VAC14: variants seen among roughly 807,000 people sequenced by gnomAD.
VAC14 encodes the protein VAC14 component of PIKFYVE complex.
VAC14 carries 47 observed loss-of-function variants against 85.3 expected under a neutral mutation model. The observed-to-expected ratio is 0.55, with a 90% CI of 0.44 to 0.70. VAC14 has a LOEUF of 0.70. VAC14 is among the 30% of genes least tolerant of loss of function. The pLI is 0.00. For synonymous variants in VAC14, 447 were observed against 430.5 expected, an observed-to-expected ratio of 1.04 and a Z score of -0.47; for missense variants, 861 against 1,004.3, an observed-to-expected ratio of 0.86 and a Z score of 1.93.
chr16:70,740,522 G>C (rs531205584), intron 13 of VAC14, among the ~76,000 whole-genome samples: 22 of 152,344 alleles, frequency 1.4e-4, no homozygotes, highest in African/African-American at 5.1e-4. Context: ...TCTGTCCTTT[G>C]AAGTTTTTTG....
intron 14 of VAC14, among the ~76,000 whole-genome samples, chr16:70,725,631 G>A (rs1408179609): frequency 6.6e-6 from 1 of 152,132 alleles, no homozygotes; most frequent in Non-Finnish European, 1.5e-5. Context: ...CTGAGCATTT[G>A]CTCAGCTGGA....
intron 1 of VAC14, among the ~76,000 whole-genome samples, chr16:70,799,422 A>G (rs2034674651): frequency 6.6e-6 from 1 of 152,186 alleles, no homozygotes; most frequent in Non-Finnish European, 1.5e-5. Context: ...AGCTGAATGG[A>G]GGCAGGGTGG....
chr16:70,771,968 A>T, intron 10 of VAC14, 141 bp downstream of exon 10: 1 of 715,660 alleles, frequency 1.4e-6, no homozygotes, highest in Non-Finnish European at 2.4e-6. Flanking sequence ...TCATCAATTA[A>T]CTCTTTTGTG....
At chr16:70,781,020 G>T (rs953964706) in intron 8 of VAC14, 81 bp from the exon 9 acceptor site, 1 of 1,573,694 alleles carries the variant, frequency 6.4e-7, no homozygotes, top group East Asian at 2.3e-5. Flanking sequence ...GATTCCCAGT[G>T]TTGGAGGTGG....
In VAC14 at chr16:70,695,723, G is replaced by C; in HGVS notation, c.1956-100C>G. The C allele has an allele frequency of 1.2e-5, 14 of 1,147,122 alleles. No individual in the cohort carries two copies. The South Asian group carries it at 1.9e-4, about 16-fold the overall frequency. 71.1% of individuals were successfully genotyped at this position (1,147,122 alleles called of 1,614,324 possible). ...CCCTGCACCTGGCTTCCTGTGCACA[G>C]AGCCTGGTTGTGGTGAAGCAGGATT... On this transcript the variant is annotated intron_variant, in intron 16 of 18. Coordinates refer to ENST00000261776, the MANE Select transcript of VAC14 (RefSeq NM_018052.5).
rs1225553935 is a variant in VAC14 at position 70,691,004 on chromosome 16, A to G, written c.2186+1817T>C. ...GGAGGTCACACAACAAATCCATGGCAGAGCTCACACCAGATCCTACTCTAG... is the reference window on the plus strand; with the variant it reads ...GGAGGTCACACAACAAATCCATGGCGGAGCTCACACCAGATCCTACTCTAG... On this transcript the variant is annotated intron_variant, in intron 18 of 18. Coordinates refer to ENST00000261776, the MANE Select transcript of VAC14 (RefSeq NM_018052.5). The G allele has an allele frequency of 5.1e-6, 5 of 985,290 alleles. No homozygotes were observed. The South Asian group carries it at 1.4e-4, about 28-fold the overall frequency. 61.0% of individuals were successfully genotyped at this position (985,290 alleles called of 1,614,324 possible).
chr16:70,695,731 T>G (rs2053693831), intron 16 of VAC14, 108 bp from the exon 17 acceptor site: 6 of 1,062,812 alleles, frequency 5.6e-6, no homozygotes, highest in Non-Finnish European at 8.4e-6. Flanking sequence ...CAGAGCCTGG[T>G]TGTGGTGAAG....
At chr16:70,754,660 G>C (rs2031682204) in intron 12 of VAC14, among the ~76,000 whole-genome samples, 1 of 152,202 alleles carries the variant, frequency 6.6e-6, no homozygotes, top group African/African-American at 2.4e-5. Context: ...TGCCCACCCA[G>C]CTCCTCTCCC....
chr16:70,748,412 G>T (rs189252180), intron 12 of VAC14, among the ~76,000 whole-genome samples: 22 of 152,238 alleles, frequency 1.4e-4, no homozygotes, highest in Admixed American at 3.3e-4. Flanking sequence ...GATGATGCCT[G>T]GGGGGGAGCC....
intron 10 of VAC14, chr16:70,771,636 G>C (rs1303407956): frequency 6.7e-6 from 1 of 149,798 alleles, no homozygotes; most frequent in Non-Finnish European, 1.5e-5. Context: ...ATCCAGGCTA[G>C]AGTGCAGTGG....
chr16:70,746,466 G>C (rs564825703), intron 12 of VAC14, among the ~76,000 whole-genome samples: 1 of 152,332 alleles, frequency 6.6e-6, no homozygotes, highest in African/African-American at 2.4e-5. Flanking sequence ...AGCCACCCCT[G>C]CCCGTGGCCT....
intron 14 of VAC14, among the ~76,000 whole-genome samples, chr16:70,704,249 C>A (rs955025888): frequency 4.6e-4 from 70 of 152,248 alleles, no homozygotes; most frequent in Non-Finnish European, 1.0e-4. Flanking sequence ...TGGCCAGTCA[C>A]GCCCTAAGGT....
intron 12 of VAC14, chr16:70,755,284 G>T: frequency 3.5e-6 from 1 of 284,540 alleles, no homozygotes; most frequent in Non-Finnish European, 7.1e-6. Flanking sequence ...CATGGGGCCT[G>T]GGAAGGAAGG....
At chr16:70,756,288 C>T (rs1005803247) in intron 12 of VAC14, among the ~76,000 whole-genome samples, 14 of 152,134 alleles carry the variant, frequency 9.2e-5, no homozygotes, top group Admixed American at 6.5e-4. Flanking sequence ...CAAGTTGGGC[C>T]GTTCCTCTGG....
intron 16 of VAC14, 111 bp downstream of exon 16, chr16:70,697,028 G>A (rs1294738001): frequency 1.2e-6 from 1 of 801,508 alleles, no homozygotes; most frequent in Admixed American, 2.0e-5. Context: ...TGAGTGGAGG[G>A]GTGGGGACAG....
intron 12 of VAC14, chr16:70,761,255 A>G (rs1355621274): frequency 4.4e-6 from 2 of 449,998 alleles, no homozygotes; most frequent in Non-Finnish European, 8.9e-6. Context: ...CTCCATGGGG[A>G]CTGGTGAGCA....
intron 1 of VAC14, among the ~76,000 whole-genome samples, chr16:70,793,169 G>A (rs1217884441): frequency 3.3e-5 from 5 of 152,150 alleles, no homozygotes; most frequent in Admixed American, 6.5e-5. Context: ...CTCGGTCATC[G>A]CCAAGGCACT....
chr16:70,779,092 C>T (rs943774666), intron 9 of VAC14: 10 of 152,228 alleles, frequency 6.6e-5, no homozygotes, highest in Non-Finnish European at 1.3e-4. Flanking sequence ...GAGAATTCTA[C>T]CACTGAACCA....
chr16:70,715,038 C>T (rs558830377), intron 14 of VAC14: 3 of 152,426 alleles, frequency 2.0e-5, no homozygotes, highest in African/African-American at 4.8e-5. Context: ...CTTGGGCACC[C>T]TCACACAGCG....
Sources: gnomAD v4.1 joint callset for allele counts (sites outside exome capture counted in the v4.1 genomes callset) on GRCh38, gnomAD v4.1.1 for gene constraint, MANE v1.5 for transcripts, NCBI Gene and HGNC (gene_info 2026-07-23, HGNC 2026-07-21) for gene names.